The following SI variants were observed in gnomAD, a reference collection of about 807,000 sequenced individuals.
SI encodes the protein sucrase-isomaltase, intestinal.
Under a neutral mutation model 253.3 loss-of-function variants are expected in SI, and 235 were observed. The observed-to-expected ratio is 0.93, with a 90% CI of 0.83 to 1.03. The LOEUF is 1.03. SI is among the 50% of genes least tolerant of loss of function. The pLI is 0.00. For missense variants in SI, 2,442 were observed against 2,211.1 expected, an observed-to-expected ratio of 1.10 and a Z score of -2.09; for synonymous variants, 819 against 712.0, an observed-to-expected ratio of 1.15 and a Z score of -2.39.
chr3:164,988,703 C>T (rs1717557756), intron 44 of SI, among the ~76,000 whole-genome samples: 1 of 152,080 alleles, frequency 6.6e-6, no homozygotes, highest in African/African-American at 2.4e-5. Flanking sequence ...AGAAGAAAAA[C>T]AGAGACAGGG....
upstream of SI, among the ~76,000 whole-genome samples, chr3:165,082,496 A>G (rs907963084): frequency 2.0e-5 from 3 of 151,972 alleles, no homozygotes; most frequent in African/African-American, 7.2e-5. Context: ...GCGGAGAACC[A>G]AATTTCTTAA....
upstream of SI, among the ~76,000 whole-genome samples, chr3:165,083,336 A>T (rs531993464): frequency 1.6e-3 from 248 of 151,648 alleles, 2 homozygotes; most frequent in South Asian, 8.1e-3. Context: ...ATTTTTTTTT[A>T]AAAAAAGAAA....
chr3:165,022,750 G>A (rs1050139286), intron 26 of SI, among the ~76,000 whole-genome samples: 3 of 151,494 alleles, frequency 2.0e-5, no homozygotes, highest in African/African-American at 7.3e-5. Flanking sequence ...ACAATTGCAA[G>A]GTGTTTATTT....
chr3:164,989,393 A>AAAG (rs1717610246), intron 44 of SI, among the ~76,000 whole-genome samples: 1 of 137,810 alleles, frequency 7.3e-6, no homozygotes, highest in African/African-American at 2.7e-5. Context: ...AGAAAGGAAG[A>AAAG]AAGAAAGAAA....
rs748547985 is a variant in SI at position 165,069,214 on chromosome 3, AGGAATT to A, written c.256-25_256-20del. On this transcript the variant is annotated intron_variant, in intron 3 of 47. Coordinates refer to ENST00000264382, the MANE Select transcript of SI (RefSeq NM_001041.4). ...AAATTCCCTGATAAAATATTTTTAA[AGGAATT>A]ATATAATTACTACTATTATCAGATG... 6.8e-7 allele frequency: 1 copy of A among 1,473,910 alleles called. No homozygotes were observed. 91.3% of individuals were successfully genotyped at this position (1,473,910 alleles called of 1,614,324 possible).
intron 22 of SI, among the ~76,000 whole-genome samples, chr3:165,033,880 CAAT>C (rs1712386818): frequency 6.6e-6 from 1 of 151,078 alleles, no homozygotes; most frequent in South Asian, 2.1e-4. Context: ...TCAAGGAAAA[CAAT>C]AAATCTGGAG....
At chr3:165,002,110 C>T (rs1332422385) in intron 37 of SI, among the ~76,000 whole-genome samples, 2 of 151,340 alleles carry the variant, frequency 1.3e-5, no homozygotes, top group Non-Finnish European at 3.0e-5. Context: ...GGTACTAATC[C>T]CTAACATCTT....
At chr3:165,057,095 C>T (rs186618157) in intron 12 of SI, among the ~76,000 whole-genome samples, 2 of 151,748 alleles carry the variant, frequency 1.3e-5, no homozygotes, top group East Asian at 3.9e-4. Flanking sequence ...TCCAGGATAA[C>T]GTGGAGGAGT....
chr3:165,012,767 AT>A, intron 34 of SI, among the ~76,000 whole-genome samples: 1 of 152,332 alleles, frequency 6.6e-6, no homozygotes. Context: ...CTTGGATTAA[AT>A]AAAGCAAAAT....
intron 22 of SI, among the ~76,000 whole-genome samples, chr3:165,036,073 G>A (rs566794871): frequency 1.1e-3 from 161 of 151,772 alleles, no homozygotes; most frequent in African/African-American, 3.6e-3. Flanking sequence ...CTTTAAAACA[G>A]TTGAAAATAT....
At chr3:165,081,735 C>T (rs193021484), upstream of SI, among the ~76,000 whole-genome samples, 85 of 152,066 alleles carry the variant, frequency 5.6e-4, no homozygotes, top group Non-Finnish European at 1.0e-3. Flanking sequence ...TGGAAGAAGG[C>T]TCTGGGAGGT....
intron 45 of SI, among the ~76,000 whole-genome samples, chr3:164,986,369 G>GT (rs746929975): frequency 3.9e-5 from 6 of 152,104 alleles, no homozygotes; most frequent in Non-Finnish European, 7.4e-5. Flanking sequence ...GCTTTTCTGT[G>GT]TAACAGCTGG....
rs146830505 is a variant in SI at position 164,982,255 on chromosome 3, G to A, written c.5403C>T (p.Asp1801=). 6.4e-4 allele frequency: 1,039 copies of A among 1,612,094 alleles called. 4 individuals carry two copies. Among genetic ancestry groups the A allele is most frequent in the Middle Eastern group, 1.7e-3 (10 of 6,046 alleles). The change falls in exon 47 of 48, where the codon GAC becomes GAT. Residue 1801 remains aspartate (D), a synonymous_variant. Coordinates refer to ENST00000264382, the MANE Select transcript of SI (RefSeq NM_001041.4). ...TTACATTACTTACCATGTTGGTAGT[G>A]TCTTCATTAAAAGGAAGCGAATTTT... is the stretch of plus-strand genomic sequence containing the variant. ...GNKNSLPFNE[D]TTNMILRIDL...
At chr3:165,073,884 A>G (rs928037734) in intron 3 of SI, among the ~76,000 whole-genome samples, 1 of 152,066 alleles carries the variant, frequency 6.6e-6, no homozygotes, top group African/African-American at 2.4e-5. Context: ...TTTATTTGAG[A>G]GATTTGAACA....
intron 1 of SI, among the ~76,000 whole-genome samples, chr3:165,076,545 A>G (rs77650258): frequency 0.016 from 2,423 of 151,842 alleles, 67 homozygotes; most frequent in African/African-American, 0.055. Context: ...ACTACTTTCC[A>G]CAATATTGTC....
chr3:165,013,423 A>C (rs1289551576), intron 33 of SI, among the ~76,000 whole-genome samples: 1 of 152,154 alleles, frequency 6.6e-6, no homozygotes, highest in East Asian at 1.9e-4. Flanking sequence ...TAAAAACAAT[A>C]AATCTTTTTG....
At chr3:164,998,806 G>A in intron 37 of SI, 133 bp from the exon 38 acceptor site, 1 of 764,940 alleles carries the variant, frequency 1.3e-6, no homozygotes, top group Non-Finnish European at 2.2e-6. Context: ...ACTGGCTCTT[G>A]ATAAGTTTGT....
At chr3:165,017,948 A>G in intron 29 of SI, 22 bp downstream of exon 29, 2 of 1,586,982 alleles carry the variant, frequency 1.3e-6, no homozygotes, top group Non-Finnish European at 1.7e-6. Flanking sequence ...AATAAGAGAC[A>G]TTCAACAAAT....
chr3:164,986,167 C>A (rs1244199055), intron 45 of SI, among the ~76,000 whole-genome samples: 1 of 152,096 alleles, frequency 6.6e-6, no homozygotes, highest in Non-Finnish European at 1.5e-5. Flanking sequence ...AAACTGATTT[C>A]TCAGAATAAA....
Sources: allele counts gnomAD v4.1 joint callset (sites outside exome capture counted in the v4.1 genomes callset), GRCh38; gene constraint gnomAD v4.1.1; transcripts MANE v1.5; gene names NCBI Gene and HGNC (gene_info 2026-07-23, HGNC 2026-07-21).